The following PLS1 variants were observed in gnomAD, a reference collection of about 807,000 sequenced individuals.
PLS1 encodes plastin-1.
Under a neutral mutation model 73.7 loss-of-function variants are expected in PLS1, and 32 were observed. The ratio of observed to expected loss-of-function variants is 0.43; its 90% CI spans 0.33 to 0.58. The LOEUF is 0.58. PLS1 is among the 20% of genes least tolerant of loss of function. The pLI, the probability that PLS1 is intolerant of heterozygous loss-of-function variation, is 0.04. For synonymous variants in PLS1, 217 were observed against 261.3 expected, an observed-to-expected ratio of 0.83 and a Z score of 1.63; for missense variants, 633 against 740.5, an observed-to-expected ratio of 0.85 and a Z score of 1.68.
At chr3:142,662,094 A>G (rs544482311) in intron 1 of PLS1, among the ~76,000 whole-genome samples, 156 of 152,310 alleles carry the variant, frequency 1.0e-3, no homozygotes, top group Non-Finnish European at 1.7e-3. Flanking sequence ...AAATCATTCT[A>G]CTATAAAGAC....
At chr3:142,653,877 C>T (rs1417473089) in intron 1 of PLS1, among the ~76,000 whole-genome samples, 1 of 152,172 alleles carries the variant, frequency 6.6e-6, no homozygotes, top group Non-Finnish European at 1.5e-5. Context: ...CAGGCATTAA[C>T]AGTTGAACCT....
Position 142,713,021 on chromosome 3 carries a change from C to G in PLS1, c.*1014C>G, listed in dbSNP as rs1395678117. The G allele has an allele frequency of 2.6e-5, 4 of 152,392 alleles. No individual in the cohort carries two copies. The highest frequency in any genetic ancestry group is 9.7e-5 in the African/African-American group (4 of 41,378). 9.4% of individuals were successfully genotyped at this position (152,392 alleles called of 1,614,324 possible). ...GCTAGTTTAGGTCTCTATAGAAGCC[C>G]TATATAATTTAGAATATGCCCACTG... On this transcript the variant is annotated 3_prime_UTR_variant, in exon 16 of 16. Transcript: ENST00000457734.
At chr3:142,633,704 T>C (rs1263724394) in intron 1 of PLS1, among the ~76,000 whole-genome samples, 3 of 152,074 alleles carry the variant, frequency 2.0e-5, no homozygotes, top group East Asian at 3.8e-4. Context: ...GTTAAGATGG[T>C]AAATTTAATG....
At chr3:142,709,005 C>T (rs1932979948) in intron 14 of PLS1, among the ~76,000 whole-genome samples, 1 of 152,030 alleles carries the variant, frequency 6.6e-6, no homozygotes, top group African/African-American at 2.4e-5. Flanking sequence ...TAAAATAACA[C>T]AAATATGTAA....
At chr3:142,627,634 G>T (rs1393457053) in intron 1 of PLS1, among the ~76,000 whole-genome samples, 1 of 151,918 alleles carries the variant, frequency 6.6e-6, no homozygotes, top group African/African-American at 2.4e-5. Context: ...GCTGTTTATT[G>T]TTTGTTTTGC....
At chr3:142,662,250 T>G (rs561482271) in intron 1 of PLS1, among the ~76,000 whole-genome samples, 16 of 152,290 alleles carry the variant, frequency 1.1e-4, no homozygotes, top group African/African-American at 3.9e-4. Flanking sequence ...AAGGATGAGT[T>G]CATGTCCTTG....
At chr3:142,662,949 T>C (rs78449835) in intron 1 of PLS1, among the ~76,000 whole-genome samples, 6,756 of 152,024 alleles carry the variant, frequency 0.044, 501 homozygotes, top group African/African-American at 0.15. Context: ...TGGCTCAGCG[T>C]CTGTAATCCC....
intron 1 of PLS1, among the ~76,000 whole-genome samples, chr3:142,618,314 C>G (rs943813309): frequency 2.0e-5 from 3 of 152,152 alleles, no homozygotes; most frequent in Non-Finnish European, 4.4e-5. Flanking sequence ...CGTGGACAAT[C>G]CAAGGCCAAG....
chr3:142,686,409 G>A (rs1269226534), intron 9 of PLS1, 33 bp downstream of exon 9: 5 of 1,251,602 alleles, frequency 4.0e-6, no homozygotes, highest in Middle Eastern at 1.9e-4. Context: ...AAAATATATT[G>A]TGGTAAAACA....
At chr3:142,615,759 G>A (rs895699634) in intron 1 of PLS1, among the ~76,000 whole-genome samples, 56 of 152,208 alleles carry the variant, frequency 3.7e-4, no homozygotes, top group African/African-American at 1.3e-3. Context: ...GAGGGAAGGG[G>A]CAAACCATGT....
At chr3:142,658,335 A>T (rs937820237) in intron 1 of PLS1, among the ~76,000 whole-genome samples, 3 of 151,930 alleles carry the variant, frequency 2.0e-5, no homozygotes, top group Non-Finnish European at 2.9e-5. Context: ...AATTAGCCAG[A>T]TGTGGTGATG....
chr3:142,638,936 T>C (rs2036769249), intron 1 of PLS1, among the ~76,000 whole-genome samples: 1 of 152,028 alleles, frequency 6.6e-6, no homozygotes, highest in Non-Finnish European at 1.5e-5. Flanking sequence ...AGACGGAGTT[T>C]CTCCATGTTG....
At chr3:142,637,247 A>G (rs1229047710) in intron 1 of PLS1, among the ~76,000 whole-genome samples, 2 of 152,206 alleles carry the variant, frequency 1.3e-5, no homozygotes, top group African/African-American at 2.4e-5. Flanking sequence ...ATAGATCTCA[A>G]AATATTTATG....
intron 1 of PLS1, among the ~76,000 whole-genome samples, chr3:142,652,847 A>G (rs2037129032): frequency 6.6e-6 from 1 of 152,248 alleles, no homozygotes; most frequent in South Asian, 2.1e-4. Flanking sequence ...CTAACTCTGC[A>G]CGCTCATTCA....
intron 1 of PLS1, among the ~76,000 whole-genome samples, chr3:142,648,480 A>G (rs987022637): frequency 3.3e-5 from 5 of 152,194 alleles, no homozygotes; most frequent in African/African-American, 1.2e-4. Flanking sequence ...GGGAGGCATC[A>G]GTTTTTGGAA....
intron 11 of PLS1, among the ~76,000 whole-genome samples, chr3:142,694,917 C>T (rs1453464589): frequency 1.3e-5 from 2 of 151,718 alleles, no homozygotes; most frequent in Non-Finnish European, 2.9e-5. Flanking sequence ...TTAATTATTC[C>T]ATAATTTTTG....
chr3:142,705,355 G>GA (rs939959302), intron 14 of PLS1, among the ~76,000 whole-genome samples: 6 of 150,012 alleles, frequency 4.0e-5, no homozygotes, highest in African/African-American at 1.5e-4. Flanking sequence ...AAACTGGTAG[G>GA]AAAAAAAAAA....
At chr3:142,621,430 G>A (rs543876025) in intron 1 of PLS1, among the ~76,000 whole-genome samples, 1 of 152,168 alleles carries the variant, frequency 6.6e-6, no homozygotes, top group Admixed American at 6.5e-5. Flanking sequence ...GTAAAACATA[G>A]GAAACCACCT....
chr3:142,690,991 G>C (rs756310435), intron 10 of PLS1, among the ~76,000 whole-genome samples: 9 of 152,050 alleles, frequency 5.9e-5, no homozygotes, highest in Non-Finnish European at 1.2e-4. Flanking sequence ...GATTCTTCTT[G>C]GTGGGGAGAG....
Sources: allele counts gnomAD v4.1 joint callset (sites outside exome capture counted in the v4.1 genomes callset), GRCh38; gene constraint gnomAD v4.1.1; transcripts MANE v1.5; gene names NCBI Gene and HGNC (gene_info 2026-07-23, HGNC 2026-07-21).